The following NYAP2 variants were observed in gnomAD, a reference collection of about 807,000 sequenced individuals.
NYAP2 encodes neuronal tyrosine-phosphorylated phosphoinositide-3-kinase adapter 2.
In NYAP2, 23 loss-of-function variants were observed where a neutral mutation model predicts 50.4. The ratio of observed to expected loss-of-function variants is 0.46; its 90% CI spans 0.33 to 0.65. NYAP2 has a LOEUF of 0.65. Among genes scored for constraint, NYAP2 ranks in the 30% least tolerant of loss-of-function variants. The pLI is 0.02. For missense variants in NYAP2, 885 were observed against 861.0 expected, an observed-to-expected ratio of 1.03 and a Z score of -0.35; for synonymous variants, 394 against 365.2, an observed-to-expected ratio of 1.08 and a Z score of -0.90.
downstream of NYAP2, among the ~76,000 whole-genome samples, chr2:225,658,920 A>T (rs1196852382): frequency 6.6e-6 from 1 of 152,190 alleles, no homozygotes; most frequent in Non-Finnish European, 1.5e-5. Context: ...TAACTTTTAC[A>T]TACTTTAGGC....
chr2:225,465,862 T>C (rs896374295), intron 3 of NYAP2, among the ~76,000 whole-genome samples: 2 of 152,220 alleles, frequency 1.3e-5, no homozygotes, highest in African/African-American at 4.8e-5. Flanking sequence ...TACTTAATCT[T>C]TTCTTCTACA....
At chr2:225,657,973 T>C (rs1178323598), downstream of NYAP2, among the ~76,000 whole-genome samples, 2 of 152,142 alleles carry the variant, frequency 1.3e-5, no homozygotes, top group South Asian at 2.1e-4. Flanking sequence ...AACAAAAGTG[T>C]TTTCTTTTTT....
At chr2:225,591,258 G>A (rs900723670) in intron 5 of NYAP2, among the ~76,000 whole-genome samples, 1 of 152,184 alleles carries the variant, frequency 6.6e-6, no homozygotes, top group Non-Finnish European at 1.5e-5. Context: ...TGGGGCACTG[G>A]GAGGATGGAA....
At chr2:225,622,567 CT>C (rs1693135354) in intron 5 of NYAP2, among the ~76,000 whole-genome samples, 5 of 60,706 alleles carry the variant, frequency 8.2e-5, no homozygotes, top group African/African-American at 2.7e-4. Flanking sequence ...CTTTTTCTTT[CT>C]TTCTTTCTTT....
chr2:225,529,111 A>AT (rs1448614900), intron 4 of NYAP2, among the ~76,000 whole-genome samples: 1 of 152,154 alleles, frequency 6.6e-6, no homozygotes, highest in Non-Finnish European at 1.5e-5. Flanking sequence ...AATTACTAGG[A>AT]TTTTCTAAAC....
At chr2:225,580,343 C>A (rs1211907569) in intron 4 of NYAP2, among the ~76,000 whole-genome samples, 1 of 152,140 alleles carries the variant, frequency 6.6e-6, no homozygotes, top group African/African-American at 2.4e-5. Context: ...TTAGGTGGTA[C>A]AATTATTGGT....
chr2:225,655,913 C>CACACACACACACACAT (rs1230227534), downstream of NYAP2, among the ~76,000 whole-genome samples: 14 of 147,552 alleles, frequency 9.5e-5, no homozygotes, highest in African/African-American at 3.5e-4. Context: ...CACACACACA[C>CACACACACACACACAT]ACACACACAC....
At chr2:225,615,477 G>C (rs1692971889) in intron 5 of NYAP2, among the ~76,000 whole-genome samples, 2 of 152,134 alleles carry the variant, frequency 1.3e-5, no homozygotes, top group South Asian at 2.1e-4. Context: ...TTGGTGGAGA[G>C]CTTTTAAAGG....
chr2:225,486,134 G>A (rs1690294657), intron 3 of NYAP2, among the ~76,000 whole-genome samples: 1 of 152,214 alleles, frequency 6.6e-6, no homozygotes, highest in South Asian at 2.1e-4. Flanking sequence ...TGGTGCCCTG[G>A]CTGGAATAGC....
chr2:225,452,505 G>A (rs993660125), intron 3 of NYAP2, among the ~76,000 whole-genome samples: 2 of 152,120 alleles, frequency 1.3e-5, no homozygotes, highest in Non-Finnish European at 2.9e-5. Flanking sequence ...TATCTTATGA[G>A]GATAAAAATC....
chr2:225,674,279 G>C, the NYAP2 span, among the ~76,000 whole-genome samples: 3 of 152,206 alleles, frequency 2.0e-5, no homozygotes, highest in Non-Finnish European at 4.4e-5. Flanking sequence ...GGTTAAAAAT[G>C]TGTTCTGACA....
At chr2:225,662,913 A>G in the NYAP2 span, among the ~76,000 whole-genome samples, 14 of 152,296 alleles carry the variant, frequency 9.2e-5, no homozygotes, top group South Asian at 2.7e-3. Flanking sequence ...GCAAACACTC[A>G]TATCCGACGA....
intron 3 of NYAP2, among the ~76,000 whole-genome samples, chr2:225,451,561 C>T (rs1380647627): frequency 6.6e-6 from 1 of 151,978 alleles, no homozygotes; most frequent in Non-Finnish European, 1.5e-5. Flanking sequence ...TTACAGAAAC[C>T]ATTACTGTGA....
intron 3 of NYAP2, among the ~76,000 whole-genome samples, chr2:225,451,987 T>C (rs1290062029): frequency 6.6e-6 from 1 of 151,926 alleles, no homozygotes; most frequent in South Asian, 2.1e-4. Flanking sequence ...CACACACACA[T>C]AAATTGTCAT....
chr2:225,514,417 C>A (rs1305874219), intron 4 of NYAP2, among the ~76,000 whole-genome samples: 1 of 152,196 alleles, frequency 6.6e-6, no homozygotes, highest in Non-Finnish European at 1.5e-5. Flanking sequence ...TATAACAAAA[C>A]ACCATAGCCT....
At chr2:225,583,688 A>T (rs569814752) in intron 5 of NYAP2, among the ~76,000 whole-genome samples, 1 of 152,256 alleles carries the variant, frequency 6.6e-6, no homozygotes, top group South Asian at 2.1e-4. Context: ...TGGGGGGCGG[A>T]ATTAAACATT....
intron 4 of NYAP2, among the ~76,000 whole-genome samples, chr2:225,534,622 G>A (rs1342575400): frequency 6.6e-6 from 1 of 152,162 alleles, no homozygotes; most frequent in African/African-American, 2.4e-5. Flanking sequence ...TTAAGTAGAG[G>A]ACAGAAAAGA....
At chr2:225,614,640 T>C (rs1208048157) in intron 5 of NYAP2, among the ~76,000 whole-genome samples, 1 of 152,212 alleles carries the variant, frequency 6.6e-6, no homozygotes, top group Non-Finnish European at 1.5e-5. Context: ...TTAGTTTTTC[T>C]GTCAGTATAC....
intron 6 of NYAP2, 37 bp downstream of exon 6, chr2:225,627,163 C>T (rs1693225230): frequency 6.9e-7 from 1 of 1,459,220 alleles, no homozygotes; most frequent in Non-Finnish European, 9.4e-7. Flanking sequence ...GGTAATTCCT[C>T]CTGTCTCTAG....
Sources: allele counts gnomAD v4.1 joint callset (sites outside exome capture counted in the v4.1 genomes callset), GRCh38; gene constraint gnomAD v4.1.1; transcripts MANE v1.5; gene names NCBI Gene and HGNC (gene_info 2026-07-23, HGNC 2026-07-21).